UNC45B: variants seen among roughly 807,000 people sequenced by gnomAD.
UNC45B encodes protein unc-45 homolog B.
A neutral mutation model predicts 98.7 loss-of-function variants in UNC45B; 78 were observed. That is an observed-to-expected ratio of 0.79 (90% confidence interval 0.66 to 0.95). UNC45B has a LOEUF of 0.95. Ranked by LOEUF, UNC45B falls within the 40% of genes least tolerant of loss-of-function variation. The pLI is 0.00. For synonymous variants in UNC45B, 462 were observed against 480.4 expected, an observed-to-expected ratio of 0.96 and a Z score of 0.50; for missense variants, 1,225 against 1,184.9, an observed-to-expected ratio of 1.03 and a Z score of -0.50.
chr17:35,169,739 A>T (rs1013080761), intron 10 of UNC45B, 98 bp from the exon 11 acceptor site: 2 of 1,025,126 alleles, frequency 2.0e-6, no homozygotes, highest in African/African-American at 3.2e-5. Flanking sequence ...AAGAGGGGCG[A>T]AGTGTTCTGG....
rs780909272 is a variant in UNC45B, at chr17:35,148,450, C to T, written c.168+19C>T. 1 of 1,611,720 alleles carries T rather than the reference C, an allele frequency of 6.2e-7. No individual in the cohort carries two copies. Among genetic ancestry groups the T allele is most frequent in the Non-Finnish European group, 8.5e-7 (1 of 1,178,960 alleles). On this transcript the variant is annotated intron_variant, in intron 2 of 19. Coordinates refer to ENST00000394570, the MANE Select transcript of UNC45B (RefSeq NM_001267052.2). ...GAAAACGGTCTGGGGCAGGGCAGGGCACAGGGTGGGAGTGAGGCAGAGGGG... is the reference window on the plus strand; with the variant it reads ...GAAAACGGTCTGGGGCAGGGCAGGGTACAGGGTGGGAGTGAGGCAGAGGGG...
At chr17:35,167,100 C>T (rs2092146447) in intron 9 of UNC45B, 1 of 152,368 alleles carries the variant, frequency 6.6e-6, no homozygotes, top group Non-Finnish European at 1.5e-5. Context: ...GGACTAAGAC[C>T]AGATCACCAG....
Position 35,188,198 on chromosome 17 carries a change from A to G in UNC45B, c.*1639A>G, listed in dbSNP as rs1267852079. On this transcript the variant is annotated 3_prime_UTR_variant, in exon 20 of 20. Transcript: ENST00000394570. ...TTCACAGCAGGAAACTATATTCATC[A>G]TATCCTTATTATGATAGAGAATGAC... 1 of 152,228 alleles carries G rather than the reference A, an allele frequency of 6.6e-6. No homozygotes were observed. Among genetic ancestry groups the G allele is most frequent in the Non-Finnish European group, 1.5e-5 (1 of 68,044 alleles). 9.4% of individuals were successfully genotyped at this position (152,228 alleles called of 1,614,324 possible).
chr17:35,148,561 A>C, intron 2 of UNC45B, 130 bp downstream of exon 2: 1 of 1,103,302 alleles, frequency 9.1e-7, no homozygotes, highest in Non-Finnish European at 1.3e-6. Context: ...GGGTTGGAGA[A>C]GGGTGCCTCC....
chr17:35,169,809 T>G, intron 10 of UNC45B, 28 bp from the exon 11 acceptor site: 1 of 1,603,762 alleles, frequency 6.2e-7, no homozygotes, highest in African/African-American at 1.3e-5. Context: ...TGATCCTGCA[T>G]GTGTCTGCTG....
intron 8 of UNC45B, among the ~76,000 whole-genome samples, 183 bp from the exon 9 acceptor site, chr17:35,163,812 G>T (rs1230356292): frequency 6.6e-6 from 1 of 152,178 alleles, no homozygotes; most frequent in South Asian, 2.1e-4. Flanking sequence ...CAAGCTGGGG[G>T]CAGTGTCAGG....
intron 7 of UNC45B, among the ~76,000 whole-genome samples, chr17:35,158,908 T>C (rs1477324604): frequency 6.6e-6 from 1 of 152,238 alleles, no homozygotes; most frequent in Non-Finnish European, 1.5e-5. Context: ...CCTTTTAAGA[T>C]CTACCAGTGG....
Position 35,154,615 on chromosome 17 carries a change from G to A in UNC45B, c.513G>A (p.Gly171=), listed in dbSNP as rs762295896. The change falls in exon 6 of 20, where the codon GGG becomes GGA. Residue 171 remains glycine (G), a synonymous_variant. Coordinates refer to ENST00000394570, the MANE Select transcript of UNC45B (RefSeq NM_001267052.2). ...NLIVLGREEA[G]AEKIFQNNGV... is the part of the protein sequence containing the mutation. ...TTGTCCTAGGCCGTGAGGAAGCAGG[G>A]GCTGAGAAGATCTTCCAGAACAATG... The A allele has an allele frequency of 1.9e-6, 3 of 1,613,558 alleles. No individual in the cohort carries two copies. Among genetic ancestry groups the A allele is most frequent in the Middle Eastern group, 1.7e-4 (1 of 6,028 alleles).
chr17:35,165,239 C>T (rs964741775), intron 9 of UNC45B, among the ~76,000 whole-genome samples: 3 of 152,196 alleles, frequency 2.0e-5, no homozygotes, highest in Admixed American at 6.5e-5. Context: ...GAGGGAGGCC[C>T]GGTTCTTTCA....
At position 35,170,097 on chromosome 17, in the gene UNC45B, T is replaced by G. The variant is rs1285420740; in HGVS notation, c.1548-17T>G. 3 of 1,604,894 alleles carry G rather than the reference T, an allele frequency of 1.9e-6. No individual in the cohort carries two copies. Among genetic ancestry groups the G allele is most frequent in the Non-Finnish European group, 2.6e-6 (3 of 1,173,594 alleles). On this transcript the variant is annotated splice_polypyrimidine_tract_variant and intron_variant, in intron 11 of 19. Transcript: ENST00000394570. ...GCCCTGGGCCCCTTCCCATGTGTGC[T>G]CCCTCCTCACTTCCAGGTGGCTGTG...
chr17:35,177,057 AG>A lies in UNC45B; in HGVS notation c.2068del (p.Val690Ter). The A allele has an allele frequency of 6.2e-7, 1 of 1,614,232 alleles. No homozygotes were observed. Among genetic ancestry groups the A allele is most frequent in the African/African-American group, 1.3e-5 (1 of 75,068 alleles). ...GCTTTGGAGGGCACAGATGTGGGCA[AG>A]GTGAAGGCAGCCCACGCTCTAGCAA... is the stretch of plus-strand genomic sequence containing the variant. ...PLALEGTDVG[K>X]VKAAHALAKI... On this transcript the variant is annotated frameshift_variant, in exon 16 of 20. Coordinates refer to ENST00000394570, the MANE Select transcript of UNC45B (RefSeq NM_001267052.2). LOFTEE classifies it high-confidence loss of function.
intron 18 of UNC45B, among the ~76,000 whole-genome samples, chr17:35,180,893 T>C (rs957798515): frequency 1.3e-5 from 2 of 152,080 alleles, no homozygotes; most frequent in Non-Finnish European, 2.9e-5. Context: ...AATACAAAGC[T>C]GGGGCTTTCA....
chr17:35,169,879 C>A lies in UNC45B; in HGVS notation c.1495C>A (p.Leu499Ile). 1 of 1,614,186 alleles carries A rather than the reference C, an allele frequency of 6.2e-7. No individual in the cohort carries two copies. The highest frequency in any genetic ancestry group is 1.3e-5 in the African/African-American group (1 of 75,048). ...CTCTGCAGGTGGCACAGACTACGGT[C>A]TCAGGCAGTTTGCGGAAGGGTCGAC... ...LGSAGGTDYG[L>I]RQFAEGSTEK... The change falls in exon 11 of 20, where the codon CTC becomes ATC. Residue 499 changes from leucine to isoleucine, a missense_variant. By Grantham distance (5) the Leu-to-Ile change is conservative. Coordinates refer to ENST00000394570, the MANE Select transcript of UNC45B (RefSeq NM_001267052.2).
At chr17:35,180,471 T>C in intron 17 of UNC45B, 88 bp from the exon 18 acceptor site, 1 of 985,828 alleles carries the variant, frequency 1.0e-6, no homozygotes, top group Non-Finnish European at 1.6e-6. Flanking sequence ...AGCACCAGAA[T>C]GGAAGAATGG....
chr17:35,150,134 A>C lies in UNC45B; in HGVS notation c.292A>C (p.Lys98Gln), dbSNP rs1597903019. 3.7e-6 allele frequency: 6 copies of C among 1,613,746 alleles called. No individual in the cohort carries two copies. Among genetic ancestry groups the C allele is most frequent in the African/African-American group, 1.3e-5 (1 of 74,904 alleles). ...EHLGKLDQAF[K>Q]DVQRCATLEP... The stretch of plus-strand genomic sequence containing the variant: ...CCTGGGGAAGCTGGACCAGGCCTTC[A>C]AAGACGTGCAGCGTTGTGCCACCCT... The change falls in exon 4 of 20, where the codon AAA (lysine) becomes CAA (glutamine). Residue 98 changes from lysine to glutamine, a missense_variant. Coordinates refer to ENST00000394570, the MANE Select transcript of UNC45B (RefSeq NM_001267052.2).
At position 35,163,994 on chromosome 17, in the gene UNC45B, G is replaced by A. The variant is rs2092120385; in HGVS notation, c.980-1G>A. Reference sequence around the variant, plus strand: ...TAGGCTTGCCACTGTCTACCCTGCAGGTCTGAGGAAGATCCTGAAGGTTGT... The same window carrying A: ...TAGGCTTGCCACTGTCTACCCTGCAAGTCTGAGGAAGATCCTGAAGGTTGT... On this transcript the variant is annotated splice_acceptor_variant, in intron 8 of 19. Transcript: ENST00000394570. LOFTEE classifies it high-confidence loss of function. 6.2e-7 allele frequency: 1 copy of A among 1,611,276 alleles called. No homozygotes were observed. The highest frequency in any genetic ancestry group is 1.7e-5 in the Admixed American group (1 of 59,708).
intron 12 of UNC45B, among the ~76,000 whole-genome samples, chr17:35,170,529 TAAAAAAAAAAAA>T (rs35208483): frequency 2.9e-5 from 2 of 70,104 alleles, no homozygotes; most frequent in Admixed American, 1.6e-4. Context: ...CTGAGGCAGC[TAAAAAAAAAAAA>T]AAAAAAAAAA....
chr17:35,173,186 T>C (rs1597925813), intron 13 of UNC45B, among the ~76,000 whole-genome samples: 1 of 147,000 alleles, frequency 6.8e-6, no homozygotes, highest in African/African-American at 2.5e-5. Flanking sequence ...AGTGCAGTGG[T>C]GCAATCTTGG....
At chr17:35,166,217 T>A (rs10853175) in intron 9 of UNC45B, among the ~76,000 whole-genome samples, 4 of 151,600 alleles carry the variant, frequency 2.6e-5, no homozygotes, top group African/African-American at 9.7e-5. Context: ...GCAATGAGCC[T>A]TGAATGCACT....
Sources: gnomAD v4.1 joint callset for allele counts (sites outside exome capture counted in the v4.1 genomes callset) on GRCh38, gnomAD v4.1.1 for gene constraint, MANE v1.5 for transcripts, NCBI Gene and HGNC (gene_info 2026-07-23, HGNC 2026-07-21) for gene names.